Variants in CATSPERE observed in about 807,000 individuals in gnomAD.
CATSPERE encodes the protein cation channel sperm-associated auxiliary subunit epsilon.
In CATSPERE, 93 loss-of-function variants were observed where a neutral mutation model predicts 114.1. The ratio of observed to expected loss-of-function variants is 0.81; its 90% CI spans 0.69 to 0.97. CATSPERE has a LOEUF of 0.97. Among genes scored for constraint, CATSPERE ranks in the 50% least tolerant of loss-of-function variants. The pLI is 0.00. For missense variants in CATSPERE, 1,058 were observed against 1,131.6 expected (o/e 0.93, Z 0.93); for synonymous variants, 341 against 384.1 (o/e 0.89, Z 1.31).
chr1:244,555,514 GA>G (rs1311924770), intron 9 of CATSPERE, among the ~76,000 whole-genome samples: 2 of 151,982 alleles, frequency 1.3e-5, no homozygotes, highest in Non-Finnish European at 2.9e-5. Flanking sequence ...TTTCCTGTAA[GA>G]ACTGAAACAA....
chr1:244,621,974 C>CACAAAT (rs1461547870), intron 20 of CATSPERE, among the ~76,000 whole-genome samples: 3 of 152,144 alleles, frequency 2.0e-5, no homozygotes, highest in Non-Finnish European at 4.4e-5. Flanking sequence ...TGTCATTAAC[C>CACAAAT]GTAAATAATC....
chr1:244,451,678 A>C, upstream of CATSPERE: 6 of 1,612,226 alleles, frequency 3.7e-6, no homozygotes, highest in Non-Finnish European at 5.1e-6. This position sits in a 1 kb window ranked among gnomAD's most constrained non-coding sequence, Gnocchi z 6.6. Flanking sequence ...CAGCAGGTCC[A>C]CCACCTTCCC....
intron 7 of CATSPERE, among the ~76,000 whole-genome samples, chr1:244,510,956 G>A (rs1675655168): frequency 6.9e-6 from 1 of 144,074 alleles, no homozygotes; most frequent in African/African-American, 2.6e-5. Flanking sequence ...CAATTCTCCT[G>A]CTTCAGCCTC....
chr1:244,530,104 C>T (rs3005936), intron 8 of CATSPERE, among the ~76,000 whole-genome samples: 45,652 of 151,910 alleles, frequency 0.3, 8,692 homozygotes, highest in African/African-American at 0.55. Flanking sequence ...GTGCCCACCA[C>T]GCCCGTGTAA....
intron 5 of CATSPERE, among the ~76,000 whole-genome samples, chr1:244,482,007 A>C (rs1422700602): frequency 2.6e-5 from 4 of 152,310 alleles, no homozygotes; most frequent in African/African-American, 9.6e-5. Context: ...CCTCCAGGCT[A>C]CCCTGATCTA....
At chr1:244,637,172 A>T (rs1403736021) in intron 21 of CATSPERE, among the ~76,000 whole-genome samples, 1 of 152,062 alleles carries the variant, frequency 6.6e-6, no homozygotes, top group Non-Finnish European at 1.5e-5. Flanking sequence ...TCGTTCTTGT[A>T]ACAAAACCAA....
At position 244,546,540 on chromosome 1, in the gene CATSPERE, A is replaced by C. The variant is rs192626873; in HGVS notation, c.537-5782A>C. 1.8e-3 allele frequency among the ~76,000 whole-genome samples: 269 copies of C among 152,344 alleles called. 2 individuals carry two copies. Among genetic ancestry groups the C allele is most frequent in the Non-Finnish European group, 1.9e-3 (130 of 68,032 alleles). Reference sequence around the variant, plus strand: ...AACTGTCTGACAAATAATTCAACATAACTGTTTTAAGGAAGCTCAGTGCAC... The same window carrying C: ...AACTGTCTGACAAATAATTCAACATCACTGTTTTAAGGAAGCTCAGTGCAC... On this transcript the variant is annotated intron_variant, in intron 8 of 21. Coordinates refer to ENST00000366534, the MANE Select transcript of CATSPERE (RefSeq NM_001130957.2).
At chr1:244,628,243 G>T (rs1673459295) in intron 20 of CATSPERE, among the ~76,000 whole-genome samples, 1 of 152,170 alleles carries the variant, frequency 6.6e-6, no homozygotes, top group Admixed American at 6.5e-5. Flanking sequence ...ACTATCCATG[G>T]TTTCAGGCAT....
rs1664852751 is a variant in CATSPERE, at chr1:244,573,888, G to A, written c.1950+1116G>A. Among the ~76,000 whole-genome samples the A allele has an allele frequency of 6.6e-6, 1 of 152,182 alleles. No individual in the cohort carries two copies. The highest frequency in any genetic ancestry group is 1.5e-5 in the Non-Finnish European group (1 of 68,030). ...TAAGTAAAATGTTTACTTAGAAACA[G>A]AATGCTTGTTCTTTGGTACTACAAG... On this transcript the variant is annotated intron_variant, in intron 11 of 21. Coordinates refer to ENST00000366534, the MANE Select transcript of CATSPERE (RefSeq NM_001130957.2). The surrounding 1 kb of genome is among the most constrained non-coding windows in gnomAD (Gnocchi z 4.0).
intron 6 of CATSPERE, among the ~76,000 whole-genome samples, chr1:244,493,321 A>G (rs1239854707): frequency 6.6e-6 from 1 of 152,238 alleles, no homozygotes; most frequent in Non-Finnish European, 1.5e-5. Flanking sequence ...CTGATCTTTG[A>G]CAAACCTGAG....
chr1:244,478,920 C>G (rs1167699047), intron 4 of CATSPERE, among the ~76,000 whole-genome samples: 1 of 146,286 alleles, frequency 6.8e-6, no homozygotes, highest in Admixed American at 7.1e-5. Flanking sequence ...CCCAGCTACT[C>G]AGGAGGCTGA....
At chr1:244,495,725 A>C (rs1224831876) in intron 6 of CATSPERE, among the ~76,000 whole-genome samples, 1 of 152,056 alleles carries the variant, frequency 6.6e-6, no homozygotes, top group East Asian at 1.9e-4. Flanking sequence ...ATCTTAAAAA[A>C]TAATAATAAT....
chr1:244,586,114 T>C (rs1429953976), intron 13 of CATSPERE, among the ~76,000 whole-genome samples: 2 of 152,220 alleles, frequency 1.3e-5, no homozygotes, highest in Non-Finnish European at 2.9e-5. Context: ...TTAGGCCATA[T>C]GTCAGAATCT....
At chr1:244,478,172 A>T (rs967972455) in intron 4 of CATSPERE, among the ~76,000 whole-genome samples, 197 bp downstream of exon 4, 16 of 152,194 alleles carry the variant, frequency 1.1e-4, no homozygotes, top group Non-Finnish European at 1.5e-5. Flanking sequence ...TAAATTCTAA[A>T]TTATAAAATT....
chr1:244,582,613 G>T (rs1666356349), intron 12 of CATSPERE, among the ~76,000 whole-genome samples: 1 of 151,944 alleles, frequency 6.6e-6, no homozygotes, highest in Non-Finnish European at 1.5e-5. Flanking sequence ...TGTTGGTCAG[G>T]CTGGTCTCGA....
At position 244,552,655 on chromosome 1, in the gene CATSPERE, G is replaced by A. The variant is rs138657489; in HGVS notation, c.870G>A (p.Val290=). Reference sequence around the variant, plus strand: ...ATGAAAGACGGAGTGTGGCTCATGTGATCTTATCGCGGGATGGAATCGTTT... The same window carrying A: ...ATGAAAGACGGAGTGTGGCTCATGTAATCTTATCGCGGGATGGAATCGTTT... ...SDDERRSVAH[V]ILSRDGIVFL... The change falls in exon 9 of 22, where the codon GTG becomes GTA. Residue 290 remains valine (V), a synonymous_variant. Coordinates refer to ENST00000366534, the MANE Select transcript of CATSPERE (RefSeq NM_001130957.2). 3.1e-6 allele frequency: 5 copies of A among 1,613,964 alleles called. No individual in the cohort carries two copies. Among genetic ancestry groups the A allele is most frequent in the African/African-American group, 2.7e-5 (2 of 74,884 alleles).
intron 8 of CATSPERE, among the ~76,000 whole-genome samples, chr1:244,551,031 G>T (rs1482939208): frequency 1.3e-5 from 2 of 152,114 alleles, no homozygotes; most frequent in East Asian, 1.9e-4. Flanking sequence ...AAAACTTACA[G>T]GACAACCATT....
chr1:244,483,690 C>T (rs1311702674), intron 5 of CATSPERE, among the ~76,000 whole-genome samples: 1 of 151,978 alleles, frequency 6.6e-6, no homozygotes, highest in East Asian at 1.9e-4. Context: ...TACAGTATTT[C>T]ATTATATGTC....
At chr1:244,468,042 A>G (rs1667891288) in intron 2 of CATSPERE, among the ~76,000 whole-genome samples, 1 of 149,912 alleles carries the variant, frequency 6.7e-6, no homozygotes, top group Admixed American at 6.6e-5. Context: ...TGGGCACTTT[A>G]TCTTCCTTTC....
Sources: gnomAD v4.1 joint callset for allele counts (sites outside exome capture counted in the v4.1 genomes callset) on GRCh38, gnomAD v4.1.1 for gene constraint, Gnocchi (gnomAD v3.1) non-coding constraint, MANE v1.5 for transcripts, NCBI Gene and HGNC (gene_info 2026-07-23, HGNC 2026-07-21) for gene names.